The following SOCS2 variants were observed in gnomAD, a reference collection of about 807,000 sequenced individuals.
The protein encoded by SOCS2 is CIS-2.
In SOCS2, 10 loss-of-function variants were observed where a neutral mutation model predicts 18.6. That is an observed-to-expected ratio of 0.54 (90% CI 0.33 to 0.91). SOCS2 has a LOEUF of 0.91. Among genes scored for constraint, SOCS2 ranks in the 40% least tolerant of loss-of-function variants. The probability of loss-of-function intolerance (pLI) is 0.02; values close to 1 mark genes in which losing one functional copy is unlikely to be tolerated. For missense variants in SOCS2, 231 were observed against 247.2 expected (o/e 0.93, Z 0.44); for synonymous variants, 104 against 104.0 (o/e 1.00, Z 0.00).
the SOCS2 span, among the ~76,000 whole-genome samples, chr12:93,601,813 C>A: frequency 1.3e-5 from 2 of 152,170 alleles, no homozygotes; most frequent in East Asian, 3.8e-4. Flanking sequence ...TATCTTGATG[C>A]ATTATACAAC....
chr12:93,606,993 C>T, the SOCS2 span, among the ~76,000 whole-genome samples: 1 of 152,156 alleles, frequency 6.6e-6, no homozygotes, highest in South Asian at 2.1e-4. Context: ...ACTTATTTAG[C>T]AGTGGGTAGT....
At chr12:93,605,952 AC>A in the SOCS2 span, among the ~76,000 whole-genome samples, 13 of 152,246 alleles carry the variant, frequency 8.5e-5, no homozygotes, top group African/African-American at 3.1e-4. Context: ...ACCCAAAGTA[AC>A]AGCAGCTTAA....
chr12:93,571,723 C>A (rs1306124403), upstream of SOCS2: 3 of 293,192 alleles, frequency 1.0e-5, no homozygotes, highest in East Asian at 3.2e-4. Flanking sequence ...ACCGCCGCCT[C>A]CGAGCGCGGG....
the SOCS2 span, among the ~76,000 whole-genome samples, chr12:93,620,248 A>G: frequency 6.6e-6 from 1 of 152,138 alleles, no homozygotes; most frequent in Non-Finnish European, 1.5e-5. Context: ...AGTATTTTTT[A>G]TTACACATAA....
downstream of SOCS2, among the ~76,000 whole-genome samples, chr12:93,578,682 G>GCACACA (rs10594657): frequency 0.043 from 6,314 of 146,598 alleles, 167 homozygotes; most frequent in Non-Finnish European, 0.057. Context: ...TTGCATGCTC[G>GCACACA]CACACACACA....
At chr12:93,600,348 C>T in the SOCS2 span, among the ~76,000 whole-genome samples, 2 of 151,636 alleles carry the variant, frequency 1.3e-5, no homozygotes, top group Admixed American at 6.6e-5. Flanking sequence ...TCTATTTGTC[C>T]GTCTCCACAC....
the SOCS2 span, among the ~76,000 whole-genome samples, chr12:93,590,115 G>A: frequency 3.5e-3 from 536 of 152,112 alleles, 3 homozygotes; most frequent in African/African-American, 0.012. Context: ...GGCCTGGTGT[G>A]GTGGTGCGCG....
the SOCS2 span, among the ~76,000 whole-genome samples, chr12:93,613,001 G>A: frequency 1.3e-5 from 2 of 152,178 alleles, no homozygotes; most frequent in African/African-American, 4.8e-5. Context: ...GAAGCCCAAG[G>A]AAAGTGGCTG....
At chr12:93,617,420 T>C in the SOCS2 span, among the ~76,000 whole-genome samples, 1 of 152,178 alleles carries the variant, frequency 6.6e-6, no homozygotes, top group Non-Finnish European at 1.5e-5. Context: ...GCTGCTTCTA[T>C]GGAGATGTTC....
At chr12:93,610,370 TC>T in the SOCS2 span, among the ~76,000 whole-genome samples, 1 of 152,060 alleles carries the variant, frequency 6.6e-6, no homozygotes, top group East Asian at 1.9e-4. Flanking sequence ...AAACACAACT[TC>T]CTGGACCCCC....
chr12:93,602,891 G>A, the SOCS2 span, among the ~76,000 whole-genome samples: 162 of 152,202 alleles, frequency 1.1e-3, no homozygotes, highest in African/African-American at 3.8e-3. Flanking sequence ...TTGTCATCTG[G>A]GTCCTTTCCA....
At chr12:93,621,853 A>G in the SOCS2 span, among the ~76,000 whole-genome samples, 1 of 152,150 alleles carries the variant, frequency 6.6e-6, no homozygotes, top group East Asian at 1.9e-4. Context: ...CACCTCCCTC[A>G]TAAGGTTGTT....
the SOCS2 span, among the ~76,000 whole-genome samples, chr12:93,597,651 A>G: frequency 1.3e-5 from 2 of 152,190 alleles, no homozygotes; most frequent in Admixed American, 6.5e-5. Context: ...TTTTTGTATT[A>G]TGAAATAGCT....
chr12:93,585,460 AC>A (rs1472105934), downstream of SOCS2, among the ~76,000 whole-genome samples: 1 of 152,074 alleles, frequency 6.6e-6, no homozygotes, highest in African/African-American at 2.4e-5. Flanking sequence ...AAATAGTGCC[AC>A]CCAACCATAA....
At chr12:93,615,526 TCTC>T in the SOCS2 span, among the ~76,000 whole-genome samples, 10 of 152,196 alleles carry the variant, frequency 6.6e-5, no homozygotes, top group Non-Finnish European at 1.3e-4. Flanking sequence ...ATTAAGGTAT[TCTC>T]CTCTGAGAAG....
At chr12:93,592,296 T>C in the SOCS2 span, among the ~76,000 whole-genome samples, 1 of 152,258 alleles carries the variant, frequency 6.6e-6, no homozygotes, top group Admixed American at 6.5e-5. Context: ...ATTTATATCT[T>C]CATGGCAACA....
the SOCS2 span, among the ~76,000 whole-genome samples, chr12:93,598,742 A>C: frequency 6.6e-6 from 1 of 152,218 alleles, no homozygotes; most frequent in African/African-American, 2.4e-5. Flanking sequence ...ACTTATTAGT[A>C]GATGTTAAAG....
rs756445922 is a variant in SOCS2, at chr12:93,572,894, T to C, written c.-4T>C. 1.9e-6 allele frequency: 3 copies of C among 1,573,110 alleles called. No individual in the cohort carries two copies. Among genetic ancestry groups the C allele is most frequent in the South Asian group, 2.3e-5 (2 of 85,682 alleles). On this transcript the variant is annotated 5_prime_UTR_variant, in exon 1 of 2. Transcript: ENST00000551556. This position sits in a 1 kb window ranked among gnomAD's most constrained non-coding sequence, Gnocchi z 5.0. ...CCTGTCTTTGCCGCGGTGACCCTTC[T>C]CTCATGACCCTGCGGTGCCTTGAGC...
At chr12:93,614,565 T>TTCTC in the SOCS2 span, among the ~76,000 whole-genome samples, 2 of 59,324 alleles carry the variant, frequency 3.4e-5, no homozygotes, top group East Asian at 7.4e-4. Flanking sequence ...CTTTCTTTCT[T>TTCTC]TCTTTCTTTC....
Sources: gnomAD v4.1 joint callset for allele counts (sites outside exome capture counted in the v4.1 genomes callset) on GRCh38, gnomAD v4.1.1 for gene constraint, Gnocchi (gnomAD v3.1) non-coding constraint, MANE v1.5 for transcripts, NCBI Gene and HGNC (gene_info 2026-07-23, HGNC 2026-07-21) for gene names.